The following CA10 variants were observed in gnomAD, a reference collection of about 807,000 sequenced individuals.
CA10 encodes the protein carbonic anhydrase 10 (inactive).
Under a neutral mutation model 44.2 loss-of-function variants are expected in CA10, and 14 were observed. The ratio of observed to expected loss-of-function variants is 0.32; its 90% confidence interval spans 0.21 to 0.50. CA10 has a LOEUF of 0.50. Ranked by LOEUF, CA10 falls within the 20% of genes least tolerant of loss-of-function variation. The pLI, the probability that CA10 is intolerant of heterozygous loss-of-function variation, is 0.99. For synonymous variants in CA10, 159 were observed against 141.6 expected, an observed-to-expected ratio of 1.12 and a Z score of -0.87; for missense variants, 350 against 409.7, an observed-to-expected ratio of 0.85 and a Z score of 1.26.
At chr17:51,831,668 AGC>A (rs1372263960) in intron 3 of CA10, among the ~76,000 whole-genome samples, 1 of 16,766 alleles carries the variant, frequency 6.0e-5, no homozygotes, top group East Asian at 1.8e-3. Flanking sequence ...GAAAAGAAAA[AGC>A]AGCAGCAGCA....
chr17:51,908,946 CCA>C (rs1981677264), intron 3 of CA10, among the ~76,000 whole-genome samples: 1 of 152,064 alleles, frequency 6.6e-6, no homozygotes, highest in South Asian at 2.1e-4. Context: ...GTAAAATAGG[CCA>C]CTCTCACTGA....
chr17:52,072,652 G>A (rs1987710799), intron 1 of CA10, among the ~76,000 whole-genome samples: 1 of 141,684 alleles, frequency 7.1e-6, no homozygotes, highest in African/African-American at 2.7e-5. Context: ...TAAGTCCCCT[G>A]CTACCTGTCC....
intron 1 of CA10, among the ~76,000 whole-genome samples, chr17:52,083,834 T>C (rs1406440562): frequency 6.6e-6 from 1 of 152,246 alleles, no homozygotes; most frequent in African/African-American, 2.4e-5. Flanking sequence ...TTATGTTGAT[T>C]CCATATCTTT....
intron 2 of CA10, among the ~76,000 whole-genome samples, chr17:52,015,211 A>G (rs954511738): frequency 1.3e-5 from 2 of 152,038 alleles, no homozygotes; most frequent in Non-Finnish European, 2.9e-5. Context: ...ACTTTTTCTA[A>G]GAACAAAACC....
At chr17:51,636,105 TACATAC>T in intron 6 of CA10, 96 bp from the exon 7 acceptor site, 1 of 632,174 alleles carries the variant, frequency 1.6e-6, no homozygotes, top group Non-Finnish European at 2.6e-6. Context: ...CATATACATA[TACATAC>T]ATATATACAC....
chr17:51,713,438 C>T (rs1285657827), intron 4 of CA10, among the ~76,000 whole-genome samples: 1 of 152,066 alleles, frequency 6.6e-6, no homozygotes, highest in African/African-American at 2.4e-5. Flanking sequence ...GACTTGAGGA[C>T]AATTGATGAT....
intron 4 of CA10, among the ~76,000 whole-genome samples, chr17:51,665,976 C>T (rs1258676308): frequency 6.6e-6 from 1 of 152,216 alleles, no homozygotes; most frequent in Non-Finnish European, 1.5e-5. Context: ...AAGGCCATGG[C>T]CAAAAAATAT....
chr17:52,035,553 A>AC (rs1176114371), intron 2 of CA10, among the ~76,000 whole-genome samples: 1 of 152,160 alleles, frequency 6.6e-6, no homozygotes, highest in African/African-American at 2.4e-5. Context: ...TGCCTCACAC[A>AC]AAAAAACAAA....
At chr17:51,723,918 G>T (rs940506589) in intron 4 of CA10, among the ~76,000 whole-genome samples, 3 of 152,200 alleles carry the variant, frequency 2.0e-5, no homozygotes, top group African/African-American at 7.2e-5. Context: ...TGCCCATGGG[G>T]TACCTGGCAT....
intron 3 of CA10, among the ~76,000 whole-genome samples, chr17:51,878,188 A>AACACAATG (rs1443685981): frequency 5.9e-4 from 89 of 151,790 alleles, no homozygotes; most frequent in Non-Finnish European, 9.6e-4. Context: ...AAAAGAAAAA[A>AACACAATG]ACACAATGAT....
chr17:51,743,212 T>C (rs1173082960), intron 4 of CA10, among the ~76,000 whole-genome samples: 2 of 152,212 alleles, frequency 1.3e-5, no homozygotes, highest in African/African-American at 4.8e-5. Flanking sequence ...ACTTGTCTAA[T>C]GTATCCCAAA....
intron 3 of CA10, among the ~76,000 whole-genome samples, chr17:51,803,004 T>C (rs1906995092): frequency 6.6e-6 from 1 of 152,204 alleles, no homozygotes. Context: ...CTGCCAGTTA[T>C]GACAAGACAC....
chr17:51,926,151 A>G (rs1368828889), intron 3 of CA10, among the ~76,000 whole-genome samples: 1 of 152,192 alleles, frequency 6.6e-6, no homozygotes, highest in Admixed American at 6.5e-5. Flanking sequence ...AACTATCGGT[A>G]GTTAAGAACT....
chr17:51,800,000 T>C (rs1344702435), intron 3 of CA10, among the ~76,000 whole-genome samples: 1 of 152,198 alleles, frequency 6.6e-6, no homozygotes, highest in African/African-American at 2.4e-5. Flanking sequence ...GATACAACAC[T>C]TCCACTCCTA....
chr17:51,853,119 CTAATA>C (rs74404254), intron 3 of CA10, among the ~76,000 whole-genome samples: 3,527 of 152,078 alleles, frequency 0.023, 58 homozygotes, highest in Middle Eastern at 0.048. Context: ...AAACTGAATG[CTAATA>C]TATTATTATA....
chr17:52,072,280 G>T, intron 2 of CA10, 39 bp downstream of exon 2: 1 of 1,366,042 alleles, frequency 7.3e-7, no homozygotes, highest in Non-Finnish European at 1.0e-6. Flanking sequence ...CATTCTAATT[G>T]TTTTTAATAA....
At chr17:51,793,206 G>A (rs1267570379) in intron 3 of CA10, among the ~76,000 whole-genome samples, 1 of 152,168 alleles carries the variant, frequency 6.6e-6, no homozygotes. Context: ...TTGGGGTGGA[G>A]GGGAATGGGG....
chr17:52,034,387 G>A (rs989638563), intron 2 of CA10, among the ~76,000 whole-genome samples: 1 of 152,154 alleles, frequency 6.6e-6, no homozygotes, highest in Non-Finnish European at 1.5e-5. Flanking sequence ...GTGTGAGAAT[G>A]CAAATATAGA....
intron 2 of CA10, among the ~76,000 whole-genome samples, chr17:51,959,558 T>A (rs1234535755): frequency 6.6e-6 from 1 of 152,086 alleles, no homozygotes; most frequent in Non-Finnish European, 1.5e-5. Context: ...GGCTCACCAC[T>A]AATTGGCGCA....
Sources: allele counts gnomAD v4.1 joint callset (sites outside exome capture counted in the v4.1 genomes callset), GRCh38; gene constraint gnomAD v4.1.1; transcripts MANE v1.5; gene names NCBI Gene and HGNC (gene_info 2026-07-23, HGNC 2026-07-21).